The following TYW1B variants were observed in gnomAD, a reference collection of about 807,000 sequenced individuals.
The protein encoded by TYW1B is tRNA-yW synthesizing protein 1 homolog B, also known as S-adenosyl-L-methionine-dependent tRNA 4-demethylwyosine synthase TYW1B.
A neutral mutation model predicts 86.9 loss-of-function variants in TYW1B; 73 were observed. The ratio of observed to expected loss-of-function variants is 0.84; its 90% confidence interval spans 0.70 to 1.02. The LOEUF (loss-of-function observed/expected upper bound fraction) is 1.02. Ranked by LOEUF, TYW1B falls within the 50% of genes least tolerant of loss-of-function variation. TYW1B has a pLI of 0.00. For missense variants in TYW1B, 637 were observed against 827.4 expected (o/e 0.77, Z 2.82); for synonymous variants, 248 against 292.8 (o/e 0.85, Z 1.56).
At position 72,803,396 on chromosome 7, in the gene TYW1B, G is replaced by C. The variant is rs149592431; in HGVS notation, c.724-874C>G. Among the ~76,000 whole-genome samples, 461 of 152,126 alleles carry C rather than the reference G, an allele frequency of 3.0e-3. 4 individuals carry two copies. The highest frequency in any genetic ancestry group is 0.027 in the East Asian group (137 of 5,168). On this transcript the variant is annotated intron_variant, in intron 5 of 13. Transcript: ENST00000620995. ...AAGTAGAGGAAATGTGACATCACTGGGAAGACACATTTGCTGAGTATCTAC... is the reference window on the plus strand; with the variant it reads ...AAGTAGAGGAAATGTGACATCACTGCGAAGACACATTTGCTGAGTATCTAC...
At chr7:72,641,127 A>G (rs570013165) in intron 11 of TYW1B, among the ~76,000 whole-genome samples, 56 of 152,212 alleles carry the variant, frequency 3.7e-4, no homozygotes, top group African/African-American at 1.3e-3. Context: ...AATACTATGA[A>G]CAACTATATA....
intron 9 of TYW1B, among the ~76,000 whole-genome samples, chr7:72,718,410 G>A (rs1218083995): frequency 6.6e-6 from 1 of 152,102 alleles, no homozygotes; most frequent in Admixed American, 6.6e-5. Context: ...CCTAATTCCT[G>A]CAGTACACAA....
rs148138251 is a variant in TYW1B at position 72,620,498 on chromosome 7, G to A, written c.1618-3659C>T. ...CAACCGCAAAGCCAGAGGCTGCACC[G>A]TGACAGAAATGCTCTGGGCAGAAAA... is the stretch of plus-strand genomic sequence containing the variant. On this transcript the variant is annotated intron_variant, in intron 12 of 13. Transcript: ENST00000620995. Among the ~76,000 whole-genome samples, 888 of 152,266 alleles carry A rather than the reference G, an allele frequency of 5.8e-3. 6 individuals are homozygous for A. The highest frequency in any genetic ancestry group is 0.02 in the African/African-American group (843 of 41,550).
intron 11 of TYW1B, among the ~76,000 whole-genome samples, chr7:72,675,659 T>G (rs1290027871): frequency 6.6e-6 from 1 of 151,450 alleles, no homozygotes; most frequent in Non-Finnish European, 1.5e-5. Context: ...GGATCTACGC[T>G]TCATCAAATT....
chr7:72,691,840 TA>T (rs1408381073), intron 11 of TYW1B, among the ~76,000 whole-genome samples: 2 of 152,196 alleles, frequency 1.3e-5, no homozygotes, highest in Admixed American at 6.5e-5. Flanking sequence ...CACAAAGACT[TA>T]ATCGGCTGGA....
At chr7:72,719,798 G>T (rs1330033646) in intron 9 of TYW1B, among the ~76,000 whole-genome samples, 3 of 152,100 alleles carry the variant, frequency 2.0e-5, no homozygotes, top group Non-Finnish European at 4.4e-5. Flanking sequence ...TGGAGGAGGT[G>T]AGGGAGTAGG....
chr7:72,728,936 G>C lies in TYW1B; in HGVS notation c.1083-5C>G, dbSNP rs369540023. On this transcript the variant is annotated splice_region_variant and splice_polypyrimidine_tract_variant and intron_variant, in intron 8 of 13. Transcript: ENST00000620995. ...CCCACAGGGTTGTTGTGGTGCCTAGGAACAAGACGCAAAGTTCTAAAAGAC... is the reference window on the plus strand; with the variant it reads ...CCCACAGGGTTGTTGTGGTGCCTAGCAACAAGACGCAAAGTTCTAAAAGAC... 3.7e-6 allele frequency: 6 copies of C among 1,612,732 alleles called. No individual in the cohort carries two copies. In the Admixed American group the frequency reaches 5.0e-5, roughly 13 times the overall value.
At chr7:72,743,572 A>C (rs6947034) in intron 8 of TYW1B, among the ~76,000 whole-genome samples, 1 of 151,888 alleles carries the variant, frequency 6.6e-6, no homozygotes, top group Non-Finnish European at 1.5e-5. Flanking sequence ...GGCTGGGTGC[A>C]GTGGCTCACA....
intron 2 of TYW1B, among the ~76,000 whole-genome samples, chr7:72,818,413 T>C (rs1214660305): frequency 6.6e-6 from 1 of 151,364 alleles, no homozygotes; most frequent in African/African-American, 2.4e-5. Flanking sequence ...ACCCCATCTC[T>C]ACCAAAAATA....
intron 10 of TYW1B, among the ~76,000 whole-genome samples, chr7:72,708,553 G>A (rs542333916): frequency 0.013 from 1,905 of 152,258 alleles, 33 homozygotes; most frequent in African/African-American, 0.044. Context: ...TTGCTGTATA[G>A]AATTAGCATT....
chr7:72,761,606 A>G (rs1585964103), intron 7 of TYW1B, among the ~76,000 whole-genome samples: 1 of 150,246 alleles, frequency 6.7e-6, no homozygotes, highest in East Asian at 1.9e-4. Context: ...AAAAAAAATT[A>G]AAGTTTTTTT....
chr7:72,646,260 G>A (rs753997670), intron 11 of TYW1B, among the ~76,000 whole-genome samples: 27 of 151,916 alleles, frequency 1.8e-4, no homozygotes, highest in Admixed American at 1.4e-3. Context: ...ATGGGGTGTC[G>A]CTATATTGCC....
intron 13 of TYW1B, among the ~76,000 whole-genome samples, chr7:72,594,480 C>T (rs1211778827): frequency 6.6e-6 from 1 of 152,144 alleles, no homozygotes; most frequent in Admixed American, 6.6e-5. Flanking sequence ...TCTGATTAGA[C>T]TCATAACTAT....
intron 11 of TYW1B, among the ~76,000 whole-genome samples, chr7:72,659,019 C>A (rs1585882337): frequency 6.6e-6 from 1 of 152,266 alleles, no homozygotes; most frequent in South Asian, 2.1e-4. Context: ...CCACACCCAC[C>A]CATAAACATA....
At chr7:72,629,141 G>A (rs1554439454) in intron 11 of TYW1B, 144 bp from the exon 12 acceptor site, 7 of 591,816 alleles carry the variant, frequency 1.2e-5, no homozygotes, top group Admixed American at 6.4e-5. Context: ...GCTATATTTT[G>A]AGGAAAGATG....
At chr7:72,576,362 A>T (rs1440568949) in intron 13 of TYW1B, among the ~76,000 whole-genome samples, 1 of 152,184 alleles carries the variant, frequency 6.6e-6, no homozygotes, top group Admixed American at 6.5e-5. Flanking sequence ...AAACAGAAAG[A>T]AAGTTGAAGA....
At chr7:72,766,451 T>C (rs1410918339) in intron 7 of TYW1B, among the ~76,000 whole-genome samples, 2 of 150,670 alleles carry the variant, frequency 1.3e-5, no homozygotes, top group Non-Finnish European at 2.9e-5. Context: ...CTGTCTCTAC[T>C]GAAAATATAA....
At chr7:72,669,668 G>C (rs1383566786) in intron 11 of TYW1B, among the ~76,000 whole-genome samples, 3 of 152,186 alleles carry the variant, frequency 2.0e-5, no homozygotes, top group African/African-American at 7.2e-5. Context: ...TACTTGGGAA[G>C]CTGAGGCAGG....
rs199848825 is a variant in TYW1B, at chr7:72,713,792, G to A, written c.1199C>T (p.Pro400Leu). The change falls in exon 10 of 14, where the codon CCG becomes CTG. Residue 400 changes from proline (P) to leucine (L), a missense_variant. Pro to Leu is a moderately conservative substitution (Grantham distance 98, BLOSUM62 -3). Coordinates refer to ENST00000620995, the MANE Select transcript of TYW1B (RefSeq NM_001145440.3). ...TTCAAAGCGTTCTGCTTTGACGCCC[G>A]GTACTCCTGGAGAATACAGTGAGAA... ...QNMIKQFKGV[P>L]GVKAERFEEG... The A allele has an allele frequency of 1.6e-5, 25 of 1,582,520 alleles. No homozygotes were observed. Among genetic ancestry groups the A allele is most frequent in the Middle Eastern group, 3.4e-4 (2 of 5,938 alleles).
Sources: allele counts gnomAD v4.1 joint callset (sites outside exome capture counted in the v4.1 genomes callset), GRCh38; gene constraint gnomAD v4.1.1; transcripts MANE v1.5; gene names NCBI Gene and HGNC (gene_info 2026-07-23, HGNC 2026-07-21).